ZNF215: variants seen among roughly 807,000 people sequenced by gnomAD.
ZNF215 encodes the protein BWSCR2-associated zinc finger protein 2.
Under a neutral mutation model 27.2 loss-of-function variants are expected in ZNF215, and 24 were observed. The ratio of observed to expected loss-of-function variants is 0.88; its 90% confidence interval spans 0.64 to 1.24. ZNF215 has a LOEUF of 1.24. ZNF215 is among the 50% of genes most tolerant of loss of function. The probability of loss-of-function intolerance (pLI) is 0.00; values close to 1 mark genes in which losing one functional copy is unlikely to be tolerated. For missense variants in ZNF215, 675 were observed against 605.7 expected (o/e 1.11, Z -1.20); for synonymous variants, 210 against 204.0 (o/e 1.03, Z -0.25).
At chr11:6,991,457 A>G (rs1407055634), downstream of ZNF215, among the ~76,000 whole-genome samples, 1 of 152,110 alleles carries the variant, frequency 6.6e-6, no homozygotes, top group Admixed American at 6.5e-5. Context: ...CCCGCCCACC[A>G]CAGTGGATGA....
intron 5 of ZNF215, among the ~76,000 whole-genome samples, chr11:6,971,736 T>C (rs1027815145): frequency 2.0e-5 from 3 of 152,158 alleles, no homozygotes; most frequent in Non-Finnish European, 4.4e-5. Context: ...AATGATACTA[T>C]AAGTTCACAC....
chr11:6,952,788 T>C (rs986574893), intron 6 of ZNF215, among the ~76,000 whole-genome samples: 6 of 152,124 alleles, frequency 3.9e-5, no homozygotes, highest in African/African-American at 1.4e-4. Context: ...TGATGTTAGC[T>C]GGTTATTTTG....
At position 6,932,244 on chromosome 11, in the gene ZNF215, G is replaced by C; in HGVS notation, c.-29G>C. On this transcript the variant is annotated 5_prime_UTR_variant, in exon 3 of 7. Transcript: ENST00000278319. ...TACTGCAATCTAGTAAGGCGGATTT[G>C]AACTACTGTGGGAGTTCTATTTAGG... 6.3e-7 allele frequency: 1 copy of C among 1,599,316 alleles called. No homozygotes were observed. Among genetic ancestry groups the C allele is most frequent in the Non-Finnish European group, 8.5e-7 (1 of 1,172,710 alleles).
chr11:6,958,148 A>G, downstream of ZNF215: 2 of 866,708 alleles, frequency 2.3e-6, no homozygotes, highest in Non-Finnish European at 1.4e-6. Flanking sequence ...TAACTTGTAG[A>G]GAAGCCTAAC....
intron 6 of ZNF215, among the ~76,000 whole-genome samples, chr11:6,993,975 T>C (rs1468072705): frequency 6.6e-6 from 1 of 152,152 alleles, no homozygotes; most frequent in Non-Finnish European, 1.5e-5. Flanking sequence ...TTTAGTGCTG[T>C]TTTAGCATTT....
intron 2 of ZNF215, among the ~76,000 whole-genome samples, chr11:6,928,134 T>A (rs1849126137): frequency 6.6e-6 from 1 of 152,308 alleles, no homozygotes; most frequent in East Asian, 1.9e-4. Context: ...ATAAATATGG[T>A]TTCCACTACT....
chr11:6,933,980 C>A (rs983338808), intron 3 of ZNF215, among the ~76,000 whole-genome samples: 35 of 152,172 alleles, frequency 2.3e-4, no homozygotes, highest in African/African-American at 7.9e-4. Context: ...AGTTATACAT[C>A]TTTTAAGTTT....
At chr11:6,930,100 T>C (rs866572014) in intron 2 of ZNF215, among the ~76,000 whole-genome samples, 49 of 151,674 alleles carry the variant, frequency 3.2e-4, no homozygotes, top group Middle Eastern at 6.8e-3. Flanking sequence ...TCAGTTTCTT[T>C]TTTTTTTTTT....
chr11:6,935,230 C>T (rs1238059218), intron 3 of ZNF215, among the ~76,000 whole-genome samples: 1 of 152,202 alleles, frequency 6.6e-6, no homozygotes, highest in African/African-American at 2.4e-5. Context: ...AGATTGAAGA[C>T]ATGTTCAGAA....
At chr11:6,968,647 C>A (rs1026284245) in intron 5 of ZNF215, among the ~76,000 whole-genome samples, 10 of 151,948 alleles carry the variant, frequency 6.6e-5, no homozygotes, top group African/African-American at 2.4e-4. Context: ...GGGTGGATCA[C>A]TTGAGCCCAG....
intron 5 of ZNF215, among the ~76,000 whole-genome samples, chr11:6,973,707 G>A (rs1160351654): frequency 6.6e-6 from 1 of 152,216 alleles, no homozygotes; most frequent in Non-Finnish European, 1.5e-5. Flanking sequence ...TTTGAGAAGT[G>A]TCTGTTCATA....
Position 6,956,387 on chromosome 11 carries a change from C to T in ZNF215, c.1410C>T (p.Ser470=). ...ATCAATGTGTTAACTGTGGAAAATC[C>T]TTCAACCGGAGCTCCTCTCTTATTC... The part of the protein sequence containing the change: ...NFYQCVNCGK[S]FNRSSSLIRH... Residue 470 remains serine, a synonymous_variant, in exon 7 of 7, where the codon TCC becomes TCT. Coordinates refer to ENST00000278319, the MANE Select transcript of ZNF215 (RefSeq NM_013250.4). 6.2e-7 allele frequency: 1 copy of T among 1,614,102 alleles called. No individual in the cohort carries two copies. The highest frequency in any genetic ancestry group is 8.5e-7 in the Non-Finnish European group (1 of 1,180,014).
chr11:6,974,954 C>T (rs1335155156), intron 5 of ZNF215, among the ~76,000 whole-genome samples: 1 of 151,862 alleles, frequency 6.6e-6, no homozygotes. Context: ...TGAGAGAGGG[C>T]ATCCCTGTCT....
chr11:6,940,453 C>T (rs1265081707), intron 3 of ZNF215, among the ~76,000 whole-genome samples: 1 of 152,080 alleles, frequency 6.6e-6, no homozygotes, highest in African/African-American at 2.4e-5. Context: ...CACAGGCACA[C>T]ACCACCACAC....
At chr11:6,950,842 C>A (rs1850026199) in intron 6 of ZNF215, among the ~76,000 whole-genome samples, 1 of 149,812 alleles carries the variant, frequency 6.7e-6, no homozygotes, top group African/African-American at 2.5e-5. Flanking sequence ...CAGTTTTTGT[C>A]CATTCAGTAT....
intron 5 of ZNF215, among the ~76,000 whole-genome samples, chr11:6,982,342 G>C (rs2133356140): frequency 6.6e-6 from 1 of 152,160 alleles, no homozygotes; most frequent in East Asian, 1.9e-4. Context: ...ACATTAGACA[G>C]ATCAACGAGA....
In ZNF215 at chr11:6,943,137, C is replaced by T. The variant is rs201848475; in HGVS notation, c.538C>T (p.Gln180Ter). 16 of 1,613,922 alleles carry T rather than the reference C, an allele frequency of 9.9e-6. No homozygotes were observed. The highest frequency in any genetic ancestry group is 1.3e-5 in the Non-Finnish European group (15 of 1,179,986). The change falls in exon 5 of 7, where the codon CAA (glutamine) becomes TAA (stop). Residue 180 changes from glutamine (Q) to a stop codon, truncating the protein, a stop_gained. Transcript: ENST00000278319. LOFTEE classifies it high-confidence loss of function. The part of the protein sequence containing the change: ...VVEFSKEEWG[Q>*]LDSAVKNLYR... ...GGAATTCAGCAAGGAAGAGTGGGGG[C>T]AACTGGACTCTGCTGTAAAGAACCT...
At chr11:6,976,930 T>C (rs1399866504) in intron 5 of ZNF215, among the ~76,000 whole-genome samples, 1 of 152,066 alleles carries the variant, frequency 6.6e-6, no homozygotes, top group Non-Finnish European at 1.5e-5. Flanking sequence ...AGTCAAGATG[T>C]TGGCAGCATC....
chr11:6,930,025 G>A (rs1490680976), intron 2 of ZNF215, among the ~76,000 whole-genome samples: 1 of 151,116 alleles, frequency 6.6e-6, no homozygotes, highest in African/African-American at 2.4e-5. Flanking sequence ...TATTGTTCCA[G>A]ATTTGGCCAT....
Sources: gnomAD v4.1 joint callset for allele counts (sites outside exome capture counted in the v4.1 genomes callset) on GRCh38, gnomAD v4.1.1 for gene constraint, MANE v1.5 for transcripts, NCBI Gene and HGNC (gene_info 2026-07-23, HGNC 2026-07-21) for gene names.